ROS1: variants seen among roughly 807,000 people sequenced by gnomAD.
ROS1 encodes the protein proto-oncogene tyrosine-protein kinase ROS.
ROS1 carries 263 observed loss-of-function variants against 273.5 expected under a neutral mutation model. The ratio of observed to expected loss-of-function variants is 0.96; its 90% CI spans 0.87 to 1.06. The LOEUF (loss-of-function observed/expected upper bound fraction) is 1.06. Ranked by LOEUF, ROS1 falls within the 50% of genes least tolerant of loss-of-function variation. The pLI is 0.00. For synonymous variants in ROS1, 1,008 were observed against 954.1 expected (o/e 1.06, Z -1.04); for missense variants, 2,833 against 2,751.1 (o/e 1.03, Z -0.67).
chr6:117,350,409 A>AT (rs529224279), intron 27 of ROS1, among the ~76,000 whole-genome samples: 2 of 151,410 alleles, frequency 1.3e-5, no homozygotes, highest in African/African-American at 4.9e-5. Flanking sequence ...TTCTTTCAGA[A>AT]TTTTTTTTCT....
At chr6:117,310,016 CT>C (rs2128547705) in intron 41 of ROS1, 64 bp downstream of exon 41, 2 of 1,381,004 alleles carry the variant, frequency 1.4e-6, no homozygotes, top group Non-Finnish European at 2.0e-6. Context: ...ATTAGATGTC[CT>C]TTTAAAATCC....
chr6:117,357,015 GA>G (rs1779379284), intron 25 of ROS1, 100 bp from the exon 26 acceptor site: 1 of 987,266 alleles, frequency 1.0e-6, no homozygotes, highest in Admixed American at 2.3e-5. Flanking sequence ...GACTGTGAGG[GA>G]CAAATGGAGC....
At position 117,403,550 on chromosome 6, in the gene ROS1, AT is replaced by A. The variant is rs201623248; in HGVS notation, c.466-274del. 2.8e-3 allele frequency among the ~76,000 whole-genome samples: 413 copies of A among 145,984 alleles called. 1 individual carries two copies. The highest frequency in any genetic ancestry group is 8.0e-3 in the African/African-American group (322 of 40,058). On this transcript the variant is annotated intron_variant, in intron 6 of 43. Coordinates refer to ENST00000368507, the MANE Select transcript of ROS1 (RefSeq NM_001378902.1). ...TTAGTACACATAGTATCTTGGGACT[AT>A]TTTTTTTTTTTCTAAACTTTCTCAT...
chr6:117,367,000 A>G (rs1432162606), intron 18 of ROS1, among the ~76,000 whole-genome samples: 1 of 152,330 alleles, frequency 6.6e-6, no homozygotes, highest in East Asian at 1.9e-4. Flanking sequence ...TTGCATTAGC[A>G]TAAGAAAGAC....
At chr6:117,317,091 A>T (rs1267030486) in intron 39 of ROS1, 52 bp downstream of exon 39, 1 of 1,569,550 alleles carries the variant, frequency 6.4e-7, no homozygotes, top group African/African-American at 1.4e-5. Flanking sequence ...TTAATAGGGA[A>T]TTATAGGGCA....
chr6:117,337,862 G>C (rs1270255220), intron 31 of ROS1, among the ~76,000 whole-genome samples: 1 of 151,966 alleles, frequency 6.6e-6, no homozygotes. Flanking sequence ...CATGTAAACA[G>C]AATTCTTTAT....
chr6:117,369,089 T>C (rs990945565), intron 18 of ROS1, among the ~76,000 whole-genome samples: 3 of 152,202 alleles, frequency 2.0e-5, no homozygotes, highest in Admixed American at 6.5e-5. Flanking sequence ...TTTGATTATA[T>C]GTTAGAAAAT....
intron 32 of ROS1, among the ~76,000 whole-genome samples, chr6:117,330,560 C>T (rs377128554): frequency 7.9e-5 from 12 of 152,288 alleles, no homozygotes; most frequent in East Asian, 3.9e-4. Flanking sequence ...TATACAGGAG[C>T]GATCCTACTG....
At chr6:117,402,277 T>C (rs1774009853) in intron 7 of ROS1, among the ~76,000 whole-genome samples, 1 of 152,188 alleles carries the variant, frequency 6.6e-6, no homozygotes, top group Non-Finnish European at 1.5e-5. Flanking sequence ...AGGCCACAGA[T>C]GTTCTTGCCT....
chr6:117,406,497 T>C (rs981219225), intron 5 of ROS1, among the ~76,000 whole-genome samples: 1 of 152,152 alleles, frequency 6.6e-6, no homozygotes, highest in African/African-American at 2.4e-5. Context: ...ACATAGACAT[T>C]GATCCATAGC....
intron 7 of ROS1, 102 bp downstream of exon 7, chr6:117,403,037 T>G: frequency 7.5e-7 from 1 of 1,335,414 alleles, no homozygotes; most frequent in Non-Finnish European, 1.1e-6. Context: ...AATGGATCGA[T>G]TAATAGGAAG....
At chr6:117,413,154 T>C (rs1775060795) in intron 4 of ROS1, among the ~76,000 whole-genome samples, 1 of 152,258 alleles carries the variant, frequency 6.6e-6, no homozygotes, top group South Asian at 2.1e-4. Flanking sequence ...TTTTGCTCTC[T>C]ATTAAGAGGG....
At chr6:117,399,753 A>G (rs1773797133) in intron 7 of ROS1, among the ~76,000 whole-genome samples, 1 of 152,204 alleles carries the variant, frequency 6.6e-6, no homozygotes, top group African/African-American at 2.4e-5. Context: ...CTTCAAAATA[A>G]TAAGTCAGAG....
intron 43 of ROS1, among the ~76,000 whole-genome samples, chr6:117,294,561 A>G (rs1297153712): frequency 6.6e-6 from 1 of 152,156 alleles, no homozygotes; most frequent in Non-Finnish European, 1.5e-5. Context: ...CAGGGATATT[A>G]GCGTGCTCTT....
intron 18 of ROS1, among the ~76,000 whole-genome samples, chr6:117,370,071 A>G (rs1377477240): frequency 2.0e-5 from 3 of 152,186 alleles, no homozygotes; most frequent in South Asian, 2.1e-4. Flanking sequence ...GTATAAATCT[A>G]TATCTATAGA....
chr6:117,402,888 CAAAAAAA>C (rs10617636), intron 7 of ROS1, among the ~76,000 whole-genome samples: 7 of 113,904 alleles, frequency 6.1e-5, no homozygotes, highest in Admixed American at 2.0e-4. Flanking sequence ...ACTCTGTCTC[CAAAAAAA>C]AAAAAAAAAA....
chr6:117,314,854 A>G (rs1453412720), intron 39 of ROS1, among the ~76,000 whole-genome samples: 1 of 152,094 alleles, frequency 6.6e-6, no homozygotes, highest in Non-Finnish European at 1.5e-5. Context: ...ACCTAACACC[A>G]AAAGGAAGCT....
chr6:117,289,754 T>G (rs1268716298), intron 43 of ROS1, among the ~76,000 whole-genome samples: 1 of 152,162 alleles, frequency 6.6e-6, no homozygotes. Context: ...TGTAAAATTA[T>G]CTCCCTAATA....
In ROS1 at chr6:117,394,807, T is replaced by C; in HGVS notation, c.884-69A>G. The C allele has an allele frequency of 3.5e-6, 5 of 1,422,122 alleles. No individual in the cohort carries two copies. In the South Asian group the frequency reaches 7.7e-5, roughly 22 times the overall value. The allele number at this position is 1,422,122 out of a possible 1,614,324, so 88.1% of individuals were successfully genotyped here. A position where few individuals can be genotyped will look rare whatever the true frequency, so the allele number is the denominator to read the frequency against. The stretch of plus-strand genomic sequence containing the variant: ...GGTACACTAACAGACACAAAAAAGA[T>C]CAGTACTACCCTTCAAAGCAAGGGG... On this transcript the variant is annotated intron_variant, in intron 9 of 43. Coordinates refer to ENST00000368507, the MANE Select transcript of ROS1 (RefSeq NM_001378902.1).
Sources: gnomAD v4.1 joint callset for allele counts (sites outside exome capture counted in the v4.1 genomes callset) on GRCh38, gnomAD v4.1.1 for gene constraint, MANE v1.5 for transcripts, NCBI Gene and HGNC (gene_info 2026-07-23, HGNC 2026-07-21) for gene names.